The following CSMD1 variants were observed in gnomAD, a reference collection of about 807,000 sequenced individuals.
CSMD1 encodes the protein CUB and Sushi multiple domains 1, also known as CUB and sushi domain-containing protein 1.
CSMD1 carries 213 observed loss-of-function variants against 417.5 expected under a neutral mutation model. That is an observed-to-expected ratio of 0.51 (90% confidence interval 0.46 to 0.57). The LOEUF (loss-of-function observed/expected upper bound fraction) is 0.57. Among genes scored for constraint, CSMD1 ranks in the 20% least tolerant of loss-of-function variants. CSMD1 has a pLI of 0.00. For synonymous variants in CSMD1, 2,862 were observed against 1,736.8 expected, an observed-to-expected ratio of 1.65 and a Z score of -16.11; for missense variants, 6,923 against 4,529.7, an observed-to-expected ratio of 1.53 and a Z score of -15.17.
At chr8:4,398,494 G>A (rs988514687) in intron 3 of CSMD1, among the ~76,000 whole-genome samples, 3 of 143,062 alleles carry the variant, frequency 2.1e-5, no homozygotes, top group Non-Finnish European at 4.5e-5. Flanking sequence ...CTGGGTTCAC[G>A]CCATTCTCCT....
chr8:3,479,513 T>A (rs945291991), intron 11 of CSMD1, among the ~76,000 whole-genome samples: 1 of 152,252 alleles, frequency 6.6e-6, no homozygotes, highest in East Asian at 1.9e-4. Flanking sequence ...CTCCCGACCT[T>A]AGGTGATCTG....
intron 3 of CSMD1, among the ~76,000 whole-genome samples, chr8:4,293,491 G>C (rs1476503770): frequency 6.6e-6 from 1 of 152,108 alleles, no homozygotes; most frequent in Non-Finnish European, 1.5e-5. Context: ...AGCTCAGTAT[G>C]CGTTTCTTTT....
intron 5 of CSMD1, among the ~76,000 whole-genome samples, chr8:3,851,575 A>G (rs1803907909): frequency 1.3e-5 from 2 of 152,352 alleles, no homozygotes; most frequent in South Asian, 4.1e-4. Context: ...TCCCTGCTGC[A>G]GGCCAAGGGA....
intron 7 of CSMD1, among the ~76,000 whole-genome samples, chr8:3,660,906 C>T (rs1442166140): frequency 6.6e-6 from 1 of 152,134 alleles, no homozygotes; most frequent in Non-Finnish European, 1.5e-5. Context: ...TACACAGCTG[C>T]TCCCAATTCA....
intron 3 of CSMD1, among the ~76,000 whole-genome samples, chr8:4,246,309 T>C (rs1802705930): frequency 6.6e-6 from 1 of 152,164 alleles, no homozygotes; most frequent in South Asian, 2.1e-4. Context: ...TTGCTTAGCA[T>C]ATTGGCCTCC....
chr8:4,467,234 G>T (rs761525637), intron 2 of CSMD1, among the ~76,000 whole-genome samples: 1 of 151,994 alleles, frequency 6.6e-6, no homozygotes, highest in Non-Finnish European at 1.5e-5. Context: ...AAGCTCCCAG[G>T]GACACATTCC....
chr8:3,223,606 T>C, intron 28 of CSMD1, 123 bp downstream of exon 28: 1 of 996,128 alleles, frequency 1.0e-6, no homozygotes, highest in Non-Finnish European at 1.5e-6. Context: ...TAGTCTCCAT[T>C]AGACACAAAA....
chr8:3,357,131 G>T (rs376933470), intron 21 of CSMD1, among the ~76,000 whole-genome samples: 9 of 152,080 alleles, frequency 5.9e-5, no homozygotes, highest in African/African-American at 2.2e-4. Flanking sequence ...GCAGGTGTGG[G>T]GAATTAGAGA....
intron 12 of CSMD1, among the ~76,000 whole-genome samples, chr8:3,435,069 G>A (rs780668303): frequency 6.6e-6 from 1 of 152,080 alleles, no homozygotes; most frequent in Non-Finnish European, 1.5e-5. Flanking sequence ...GGTGGGAGCT[G>A]CTACCTTTGG....
chr8:3,690,428 T>A (rs1800177888), intron 7 of CSMD1, among the ~76,000 whole-genome samples: 1 of 152,232 alleles, frequency 6.6e-6, no homozygotes, highest in Non-Finnish European at 1.5e-5. Flanking sequence ...AAGCAATTTC[T>A]TCTGTATGTG....
intron 3 of CSMD1, among the ~76,000 whole-genome samples, chr8:4,210,573 T>G (rs1373101663): frequency 6.6e-6 from 1 of 152,210 alleles, no homozygotes; most frequent in Non-Finnish European, 1.5e-5. Context: ...ACACAATATC[T>G]GACCAATTTT....
intron 10 of CSMD1, among the ~76,000 whole-genome samples, chr8:3,565,375 T>G (rs940285518): frequency 1.3e-5 from 2 of 152,060 alleles, no homozygotes; most frequent in African/African-American, 4.8e-5. Flanking sequence ...AAGGTCTGAT[T>G]GAATAATGGG....
intron 2 of CSMD1, among the ~76,000 whole-genome samples, chr8:4,429,908 G>A (rs998432119): frequency 6.6e-6 from 1 of 152,008 alleles, no homozygotes; most frequent in South Asian, 2.1e-4. Flanking sequence ...CCAAGACTTG[G>A]GGATTCAATC....
chr8:4,374,422 A>G (rs887870021), intron 3 of CSMD1, among the ~76,000 whole-genome samples: 3 of 152,152 alleles, frequency 2.0e-5, no homozygotes, highest in African/African-American at 4.8e-5. Context: ...ACCTGAAAAA[A>G]CTTTTTGTAG....
intron 3 of CSMD1, among the ~76,000 whole-genome samples, chr8:4,407,056 G>A (rs1030483699): frequency 1.3e-5 from 2 of 152,108 alleles, no homozygotes; most frequent in East Asian, 3.9e-4. Flanking sequence ...ATTGAAACAC[G>A]GCCAAGGTCA....
At chr8:3,818,119 G>C (rs1471159137) in intron 5 of CSMD1, among the ~76,000 whole-genome samples, 1 of 152,086 alleles carries the variant, frequency 6.6e-6, no homozygotes, top group Non-Finnish European at 1.5e-5. Flanking sequence ...TGAGAGCCCA[G>C]GACCCAAAGA....
intron 50 of CSMD1, among the ~76,000 whole-genome samples, chr8:3,049,031 G>C (rs1811644214): frequency 6.6e-6 from 1 of 152,020 alleles, no homozygotes; most frequent in Admixed American, 6.6e-5. Flanking sequence ...GCAATAATAA[G>C]ATACTACTGC....
intron 6 of CSMD1, among the ~76,000 whole-genome samples, chr8:3,749,748 A>G (rs1339710956): frequency 6.6e-6 from 1 of 151,962 alleles, no homozygotes; most frequent in African/African-American, 2.4e-5. Context: ...TCCTTTCACG[A>G]AATATTGTAT....
intron 1 of CSMD1, among the ~76,000 whole-genome samples, chr8:4,971,026 G>C (rs1327974606): frequency 6.6e-6 from 1 of 151,826 alleles, no homozygotes; most frequent in Non-Finnish European, 1.5e-5. Context: ...GTTATTCCAG[G>C]GTAAGAATTG....
Sources: gnomAD v4.1 joint callset for allele counts (sites outside exome capture counted in the v4.1 genomes callset) on GRCh38, gnomAD v4.1.1 for gene constraint, MANE v1.5 for transcripts, NCBI Gene and HGNC (gene_info 2026-07-23, HGNC 2026-07-21) for gene names.